The following MUC17 variants were observed in gnomAD, a reference collection of about 807,000 sequenced individuals.
MUC17 encodes mucin-17.
Under a neutral mutation model 170.3 loss-of-function variants are expected in MUC17, and 190 were observed. That is an observed-to-expected ratio of 1.12 (90% confidence interval 0.99 to 1.26). The LOEUF (loss-of-function observed/expected upper bound fraction) is 1.26. MUC17 is among the 50% of genes most tolerant of loss of function. The probability of loss-of-function intolerance (pLI) is 0.00; values close to 1 mark genes in which losing one functional copy is unlikely to be tolerated. For missense variants in MUC17, 6,415 were observed against 5,530.0 expected, an observed-to-expected ratio of 1.16 and a Z score of -5.08; for synonymous variants, 2,325 against 2,002.5, an observed-to-expected ratio of 1.16 and a Z score of -4.30.
intron 1 of MUC17, 67 bp from the exon 2 acceptor site, chr7:101,031,053 C>CA: frequency 6.6e-7 from 1 of 1,524,050 alleles, no homozygotes; most frequent in Non-Finnish European, 8.8e-7. Context: ...AGTAGAGACT[C>CA]AGAGTCTTCA....
rs777708369 is a variant in MUC17, at chr7:101,035,852, C to T, written c.4436C>T (p.Pro1479Leu). The T allele has an allele frequency of 1.2e-6, 2 of 1,600,904 alleles. No homozygotes were observed. Among genetic ancestry groups the T allele is most frequent in the East Asian group, 2.2e-5 (1 of 44,592 alleles). ...GAGGCTAGCACCCTTTCAACAACTCCTGTTGACTCTAACAGTCCTGTGGTC... is the reference window on the plus strand; with the variant it reads ...GAGGCTAGCACCCTTTCAACAACTCTTGTTGACTCTAACAGTCCTGTGGTC... ...NSEASTLSTT[P>L]VDSNSPVVTS... The change falls in exon 3 of 13, where the codon CCT becomes CTT. Residue 1479 changes from proline to leucine, a missense_variant. Pro to Leu is a moderately conservative substitution (Grantham distance 98). Transcript: ENST00000306151.
At chr7:101,031,561 T>C (rs1174140194) in intron 2 of MUC17, 40 bp from the exon 3 acceptor site, 2 of 1,508,584 alleles carry the variant, frequency 1.3e-6, no homozygotes, top group South Asian at 1.4e-5. Context: ...TACAGAACCC[T>C]AAGAAACTTC....
chr7:101,035,198 C>A lies in MUC17; in HGVS notation c.3782C>A (p.Thr1261Lys). 6.2e-7 allele frequency: 1 copy of A among 1,610,246 alleles called. No individual in the cohort carries two copies. The highest frequency in any genetic ancestry group is 8.5e-7 in the Non-Finnish European group (1 of 1,177,892). ...TCTGCTGAAACCAGTTCCTCTCCTACAACCGCTGAAGGTACCAGCTTGCCA... is the reference window on the plus strand; with the variant it reads ...TCTGCTGAAACCAGTTCCTCTCCTAAAACCGCTGAAGGTACCAGCTTGCCA... ...TTSAETSSSP[T>K]TAEGTSLPTS... The change falls in exon 3 of 13, where the codon ACA becomes AAA. Residue 1261 changes from threonine (T) to lysine (K), a missense_variant. Thr to Lys is a moderately conservative substitution (Grantham distance 78, BLOSUM62 -1). Transcript: ENST00000306151.
Position 101,040,486 on chromosome 7 carries a change from G to A in MUC17, c.9070G>A (p.Ala3024Thr). 6.2e-7 allele frequency: 1 copy of A among 1,611,930 alleles called. No homozygotes were observed. Among genetic ancestry groups the A allele is most frequent in the Non-Finnish European group, 8.5e-7 (1 of 1,179,184 alleles). Residue 3024 changes from alanine to threonine, a missense_variant, in exon 3 of 13, where the codon GCC (alanine) becomes ACC (threonine). Physicochemically the swap from Ala to Thr is moderately conservative, Grantham distance 58. Coordinates refer to ENST00000306151, the MANE Select transcript of MUC17 (RefSeq NM_001040105.2). Reference sequence around the variant, plus strand: ...CACACCTGTGACCACTTCTACTGAAGCCAGTTCCTCTCCTACAACTGCTGA... The same window carrying A: ...CACACCTGTGACCACTTCTACTGAAACCAGTTCCTCTCCTACAACTGCTGA... Reference protein sequence around the residue: ...TSTPVTTSTEASSSPTTAEGT... With the variant: ...TSTPVTTSTETSSSPTTAEGT...
In MUC17 at chr7:101,042,497, C is replaced by T; in HGVS notation, c.11081C>T (p.Thr3694Ile). 1.9e-6 allele frequency: 3 copies of T among 1,614,026 alleles called. No individual in the cohort carries two copies. The South Asian group carries it at 3.3e-5, about 18-fold the overall frequency. ...MPIWTPSEGS[T>I]PLTTMPVSTT... ...ATCTGGACGCCTAGTGAAGGAAGCA[C>T]TCCATTAACAACTATGCCTGTCAGC... is the stretch of plus-strand genomic sequence containing the variant. The change falls in exon 3 of 13, where the codon ACT (threonine) becomes ATT (isoleucine). Residue 3694 changes from threonine to isoleucine, a missense_variant. By Grantham distance (89) the Thr-to-Ile change is moderately conservative (BLOSUM62 -1). Coordinates refer to ENST00000306151, the MANE Select transcript of MUC17 (RefSeq NM_001040105.2).
chr7:101,053,333 C>T lies in MUC17; in HGVS notation c.13266-6C>T. 1 of 1,613,282 alleles carries T rather than the reference C, an allele frequency of 6.2e-7. No homozygotes were observed. The highest frequency in any genetic ancestry group is 8.5e-7 in the Non-Finnish European group (1 of 1,179,248). ...AATGGGGTCTCTCTGATGTTTCCATCACTAGGCAAAAGTACAGATTGTCTC... is the reference window on the plus strand; with the variant it reads ...AATGGGGTCTCTCTGATGTTTCCATTACTAGGCAAAAGTACAGATTGTCTC... On this transcript the variant is annotated splice_region_variant and splice_polypyrimidine_tract_variant and intron_variant, in intron 10 of 12. Transcript: ENST00000306151.
At position 101,038,670 on chromosome 7, in the gene MUC17, C is replaced by G. The variant is rs757970713; in HGVS notation, c.7254C>G (p.Ser2418=). ...PVVSSEASTH[S]TTPVDTSTPV... is the part of the protein sequence containing the mutation. The stretch of plus-strand genomic sequence containing the variant: ...TCAGTTCTGAGGCTAGCACCCATTC[C>G]ACAACTCCTGTTGACACCAGCACAC... Residue 2418 remains serine (S), a synonymous_variant, in exon 3 of 13, where the codon TCC becomes TCG. Coordinates refer to ENST00000306151, the MANE Select transcript of MUC17 (RefSeq NM_001040105.2). The G allele has an allele frequency of 1.9e-6, 3 of 1,600,534 alleles. No homozygotes were observed. The highest frequency in any genetic ancestry group is 8.5e-7 in the Non-Finnish European group (1 of 1,174,582).
chr7:101,020,522 G>T (rs1794054143), intron 1 of MUC17, among the ~76,000 whole-genome samples: 1 of 151,974 alleles, frequency 6.6e-6, no homozygotes, highest in Non-Finnish European at 1.5e-5. Context: ...CAGCTGCTAG[G>T]ATTGAAAAGA....
Position 101,058,642 on chromosome 7 carries a change from T to C in MUC17, c.*598T>C, listed in dbSNP as rs1014021228. On this transcript the variant is annotated 3_prime_UTR_variant, in exon 13 of 13. Coordinates refer to ENST00000306151, the MANE Select transcript of MUC17 (RefSeq NM_001040105.2). The stretch of plus-strand genomic sequence containing the variant: ...ATGACCCCTTGGACACTGGACTGCA[T>C]GCACTTTACATATCACAAAATGCTC... 1 of 152,222 alleles carries C rather than the reference T, an allele frequency of 6.6e-6. No homozygotes were observed. The highest frequency in any genetic ancestry group is 1.5e-5 in the Non-Finnish European group (1 of 68,046). The allele number at this position is 152,222 out of a possible 1,614,324, so 9.4% of individuals were successfully genotyped here.
chr7:101,023,758 A>G (rs1429646531), intron 1 of MUC17, among the ~76,000 whole-genome samples: 1 of 152,196 alleles, frequency 6.6e-6, no homozygotes, highest in African/African-American at 2.4e-5. Flanking sequence ...GGATTGCAGG[A>G]TCAAATGGCA....
Position 101,034,960 on chromosome 7 carries a change from A to C in MUC17, c.3544A>C (p.Thr1182Pro), listed in dbSNP as rs546606582. The C allele has an allele frequency of 4.0e-5, 64 of 1,613,830 alleles. No individual in the cohort carries two copies. In the African/African-American group the frequency reaches 7.9e-4, roughly 20 times the overall value. The stretch of plus-strand genomic sequence containing the variant: ...CAGTTCTGAGGCTAACACCCTTTCA[A>C]CAACTCCTGTGGACTCCAAAACTCA... ...VVSSEANTLS[T>P]TPVDSKTQVA... Residue 1182 changes from threonine to proline, a missense_variant, in exon 3 of 13, where the codon ACA becomes CCA. Physicochemically the swap from Thr to Pro is conservative, Grantham distance 38. Transcript: ENST00000306151.
At chr7:101,029,078 C>G (rs1794231416) in intron 1 of MUC17, among the ~76,000 whole-genome samples, 2 of 151,910 alleles carry the variant, frequency 1.3e-5, no homozygotes, top group Non-Finnish European at 2.9e-5. Flanking sequence ...ATCCCAGCTA[C>G]TCGGGAGGCT....
intron 1 of MUC17, among the ~76,000 whole-genome samples, chr7:101,022,434 T>C (rs1036868847): frequency 6.6e-6 from 1 of 152,240 alleles, no homozygotes; most frequent in Non-Finnish European, 1.5e-5. Flanking sequence ...CCCAAAGTGC[T>C]GGGATTACAG....
rs760750863 is a variant in MUC17 at position 101,043,293 on chromosome 7, T to C, written c.11877T>C (p.Gly3959=). The C allele has an allele frequency of 1.4e-5, 22 of 1,614,062 alleles. No individual in the cohort carries two copies. In the Admixed American group the frequency reaches 3.5e-4, roughly 26 times the overall value. The part of the protein sequence containing the change: ...STADVFPATT[G]AVSTPVITST... ...CTGATGTCTTTCCTGCAACAACTGG[T>C]GCTGTATCTACCCCTGTGATAACTT... is the stretch of plus-strand genomic sequence containing the variant. Residue 3959 remains glycine, a synonymous_variant, in exon 3 of 13, where the codon GGT becomes GGC. Transcript: ENST00000306151.
At chr7:101,024,777 C>G (rs1003513503) in intron 1 of MUC17, among the ~76,000 whole-genome samples, 6 of 147,242 alleles carry the variant, frequency 4.1e-5, no homozygotes, top group Non-Finnish European at 7.4e-5. Flanking sequence ...GCGCCTTGCC[C>G]TGTCGCCCAG....
At chr7:101,021,784 A>C (rs1794094059) in intron 1 of MUC17, among the ~76,000 whole-genome samples, 1 of 151,916 alleles carries the variant, frequency 6.6e-6, no homozygotes, top group Non-Finnish European at 1.5e-5. Flanking sequence ...GACCCTTTCC[A>C]TGTCCCTTCT....
In MUC17 at chr7:101,032,648, G is replaced by C. The variant is rs758971535; in HGVS notation, c.1232G>C (p.Ser411Thr). The C allele has an allele frequency of 6.2e-7, 1 of 1,612,998 alleles. No homozygotes were observed. The highest frequency in any genetic ancestry group is 1.1e-5 in the South Asian group (1 of 90,990). ...STILVASSEA[S>T]TTSTIPVDSK... ...ATATTGGTGGCCAGTTCTGAGGCTA[G>C]CACCACTTCAACAATTCCTGTTGAC... Residue 411 changes from serine (S) to threonine (T), a missense_variant, in exon 3 of 13, where the codon AGC becomes ACC. Transcript: ENST00000306151.
At chr7:101,047,779 C>T (rs998102119) in intron 3 of MUC17, among the ~76,000 whole-genome samples, 2 of 152,098 alleles carry the variant, frequency 1.3e-5, no homozygotes, top group Non-Finnish European at 2.9e-5. Context: ...TGCAGTGAGC[C>T]AAGATCGCGC....
chr7:101,036,885 T>C lies in MUC17; in HGVS notation c.5469T>C (p.Ser1823=), dbSNP rs553480514. Residue 1823 remains serine, a synonymous_variant, in exon 3 of 13, where the codon TCT becomes TCC. Coordinates refer to ENST00000306151, the MANE Select transcript of MUC17 (RefSeq NM_001040105.2). ...TCAGCCACACGCTGGTGGCCAATTC[T>C]GAGGCTAGCACCCTTTCAACAACTC... ...TPVSHTLVAN[S]EASTLSTTPV... The C allele has an allele frequency of 6.2e-7, 1 of 1,613,720 alleles. No individual in the cohort carries two copies. Among genetic ancestry groups the C allele is most frequent in the Admixed American group, 1.7e-5 (1 of 60,008 alleles).
Sources: gnomAD v4.1 joint callset for allele counts (sites outside exome capture counted in the v4.1 genomes callset) on GRCh38, gnomAD v4.1.1 for gene constraint, MANE v1.5 for transcripts, NCBI Gene and HGNC (gene_info 2026-07-23, HGNC 2026-07-21) for gene names.